The following NME9 variants were observed in gnomAD, a reference collection of about 807,000 sequenced individuals.
The protein encoded by NME9 is thioredoxin domain-containing protein 6.
NME9 carries 48 observed loss-of-function variants against 44.4 expected under a neutral mutation model. The ratio of observed to expected loss-of-function variants is 1.08; its 90% CI spans 0.86 to 1.37. The LOEUF (loss-of-function observed/expected upper bound fraction) is 1.37, where lower values mean the gene tolerates loss of function less well. NME9 is among the 40% of genes most tolerant of loss of function. The probability of loss-of-function intolerance (pLI) is 0.00; values close to 1 mark genes in which losing one functional copy is unlikely to be tolerated. For missense variants in NME9, 325 were observed against 405.2 expected (o/e 0.80, Z 1.70); for synonymous variants, 139 against 147.1 (o/e 0.94, Z 0.40).
chr3:138,310,814 C>T (rs959242637), intron 6 of NME9, among the ~76,000 whole-genome samples: 1 of 151,962 alleles, frequency 6.6e-6, no homozygotes, highest in African/African-American at 2.4e-5. Flanking sequence ...CATCAAAAAA[C>T]GTAGGAAGAC....
At chr3:138,262,812 G>A (rs2047887033) in intron 8 of NME9, among the ~76,000 whole-genome samples, 2 of 152,176 alleles carry the variant, frequency 1.3e-5, no homozygotes, top group Non-Finnish European at 2.9e-5. Flanking sequence ...GAACTACCTG[G>A]TGAGTACAAG....
intron 8 of NME9, among the ~76,000 whole-genome samples, chr3:138,286,710 T>C (rs978258747): frequency 1.3e-5 from 2 of 152,066 alleles, no homozygotes; most frequent in Non-Finnish European, 2.9e-5. Context: ...CACTGGGTGG[T>C]TCTTACGTAC....
At chr3:138,262,677 T>A in intron 8 of NME9, 1 of 1,281,540 alleles carries the variant, frequency 7.8e-7, no homozygotes, top group African/African-American at 1.6e-5. Flanking sequence ...GGCCTGGACA[T>A]AGGATTAAAA....
chr3:138,295,819 A>T (rs754397077), intron 8 of NME9: 21 of 1,610,772 alleles, frequency 1.3e-5, no homozygotes, highest in Admixed American at 5.0e-5. Flanking sequence ...CCCCAATTAC[A>T]ATTCTGAGAT....
intron 8 of NME9, among the ~76,000 whole-genome samples, chr3:138,273,964 G>A (rs2049023387): frequency 6.6e-6 from 1 of 151,966 alleles, no homozygotes; most frequent in Non-Finnish European, 1.5e-5. Flanking sequence ...TTACAGGCGT[G>A]TACCACCATG....
downstream of NME9, chr3:138,296,002 G>T (rs2051451493): frequency 1.7e-6 from 2 of 1,194,254 alleles, no homozygotes; most frequent in South Asian, 3.1e-5. Context: ...GGACTGCAGG[G>T]AGCTGTTTTG....
intron 8 of NME9, chr3:138,264,267 T>C (rs1412742621): frequency 7.0e-6 from 10 of 1,418,630 alleles, no homozygotes; most frequent in Non-Finnish European, 1.0e-5. Context: ...TAGAGTGAGC[T>C]GAGCTAGCTA....
chr3:138,302,582 C>T (rs2051923103), intron 10 of NME9, among the ~76,000 whole-genome samples: 1 of 152,200 alleles, frequency 6.6e-6, no homozygotes, highest in East Asian at 1.9e-4. Context: ...GTTCCTGGCT[C>T]CCCAGCCTCT....
At chr3:138,272,046 G>T (rs1027193173) in intron 8 of NME9, among the ~76,000 whole-genome samples, 1 of 152,144 alleles carries the variant, frequency 6.6e-6, no homozygotes, top group South Asian at 2.1e-4. Flanking sequence ...GACATGTATA[G>T]CTTGGGATTA....
In NME9 at chr3:138,306,053, G is replaced by T; in HGVS notation, c.587C>A (p.Thr196Asn). 6.2e-7 allele frequency: 1 copy of T among 1,613,648 alleles called. No homozygotes were observed. The highest frequency in any genetic ancestry group is 8.5e-7 in the Non-Finnish European group (1 of 1,179,582). ...GFEILTNEER[T>N]MTEAEVRLFY... ...AAGTCGCACTTCTGCCTCTGTCATG[G>T]TTCTCTCTTCATTTGTTAGAATTTC... The change falls in exon 8 of 11, where the codon ACC becomes AAC. Residue 196 changes from threonine (T) to asparagine (N), a missense_variant. By Grantham distance (65) the Thr-to-Asn change is moderately conservative (BLOSUM62 0). Transcript: ENST00000333911.
intron 6 of NME9, among the ~76,000 whole-genome samples, chr3:138,311,267 G>T (rs1334889466): frequency 1.3e-5 from 2 of 152,106 alleles, no homozygotes; most frequent in African/African-American, 2.4e-5. Context: ...TTCTGCCAAA[G>T]AAAATCTCAG....
chr3:138,289,337 C>A (rs925457579), intron 8 of NME9, among the ~76,000 whole-genome samples: 2 of 152,230 alleles, frequency 1.3e-5, no homozygotes, highest in South Asian at 2.1e-4. Context: ...CAACTCTATA[C>A]CAGATTCAAG....
intron 8 of NME9, chr3:138,263,924 A>G (rs2048001435): frequency 8.6e-6 from 10 of 1,164,818 alleles, no homozygotes; most frequent in South Asian, 2.5e-5. Context: ...ATGTTCCTCA[A>G]AAATCTGCTC....
chr3:138,268,240 C>T (rs1161473736), intron 8 of NME9, among the ~76,000 whole-genome samples: 1 of 151,822 alleles, frequency 6.6e-6, no homozygotes, highest in Non-Finnish European at 1.5e-5. Flanking sequence ...GAGACTCCAT[C>T]TAAAAAATAA....
At chr3:138,281,146 T>G (rs963816858) in intron 8 of NME9, among the ~76,000 whole-genome samples, 3 of 152,136 alleles carry the variant, frequency 2.0e-5, no homozygotes, top group Non-Finnish European at 2.9e-5. Context: ...TTTACCAGTC[T>G]CTGCTCTATT....
At position 138,329,622 on chromosome 3, in the gene NME9, A is replaced by T. The variant is rs2054001328; in HGVS notation, c.-287T>A. The T allele has an allele frequency of 1.5e-5, 18 of 1,235,210 alleles. No individual in the cohort carries two copies. The highest frequency in any genetic ancestry group is 4.0e-5 in the East Asian group (1 of 25,234). 76.5% of individuals were successfully genotyped at this position (1,235,210 alleles called of 1,614,324 possible). On this transcript the variant is annotated 5_prime_UTR_variant, in exon 1 of 11. Transcript: ENST00000333911. ...CCCCCTCCCCACCCCGGAGCCGGCC[A>T]GGGGGCGCGCGCAGAGGCCGGAGTC...
chr3:138,277,614 A>G (rs1560035675), intron 8 of NME9, among the ~76,000 whole-genome samples: 2 of 152,238 alleles, frequency 1.3e-5, no homozygotes, highest in Admixed American at 6.5e-5. Context: ...AAATATCACT[A>G]TGCATCTTTT....
intron 6 of NME9, among the ~76,000 whole-genome samples, chr3:138,310,716 A>G (rs1247097644): frequency 6.6e-6 from 1 of 152,172 alleles, no homozygotes; most frequent in Non-Finnish European, 1.5e-5. Context: ...CTTGAAACAA[A>G]TGAAAACGGA....
chr3:138,314,711 T>C (rs1485208647), intron 5 of NME9, among the ~76,000 whole-genome samples: 5 of 152,130 alleles, frequency 3.3e-5, no homozygotes, highest in Non-Finnish European at 7.4e-5. Flanking sequence ...TATTAAGAGA[T>C]TGACTATGCA....
Sources: allele counts gnomAD v4.1 joint callset (sites outside exome capture counted in the v4.1 genomes callset), GRCh38; gene constraint gnomAD v4.1.1; transcripts MANE v1.5; gene names NCBI Gene and HGNC (gene_info 2026-07-23, HGNC 2026-07-21).